The following ABLIM3 variants were observed in gnomAD, a reference collection of about 807,000 sequenced individuals.
ABLIM3 encodes the protein actin-binding LIM protein 3.
In ABLIM3, 61 loss-of-function variants were observed where a neutral mutation model predicts 109.5. The observed-to-expected ratio is 0.56, with a 90% CI of 0.45 to 0.69. The LOEUF (loss-of-function observed/expected upper bound fraction) is 0.69, where lower values mean the gene tolerates loss of function less well. ABLIM3 is among the 30% of genes least tolerant of loss of function. The pLI, the probability that ABLIM3 is intolerant of heterozygous loss-of-function variation, is 0.00. For synonymous variants in ABLIM3, 300 were observed against 324.8 expected (o/e 0.92, Z 0.82); for missense variants, 796 against 889.5 (o/e 0.89, Z 1.34).
At chr5:149,257,647 A>C (rs1002116333) in intron 23 of ABLIM3, among the ~76,000 whole-genome samples, 3 of 152,214 alleles carry the variant, frequency 2.0e-5, no homozygotes, top group African/African-American at 7.2e-5. Context: ...ACAATGTATC[A>C]CACTTTTAAA....
At chr5:149,181,466 G>T (rs1756450621) in intron 2 of ABLIM3, among the ~76,000 whole-genome samples, 1 of 152,138 alleles carries the variant, frequency 6.6e-6, no homozygotes, top group African/African-American at 2.4e-5. Context: ...TTTTTGTCTT[G>T]AATTTAAGAC....
chr5:149,174,197 T>C (rs1755721791), intron 2 of ABLIM3, among the ~76,000 whole-genome samples: 2 of 151,924 alleles, frequency 1.3e-5, no homozygotes, highest in South Asian at 4.2e-4. Context: ...TTGCATTCCA[T>C]GCGTGGTTTG....
intron 2 of ABLIM3, among the ~76,000 whole-genome samples, chr5:149,148,091 A>C (rs1753092539): frequency 6.6e-6 from 1 of 152,198 alleles, no homozygotes; most frequent in South Asian, 2.1e-4. Context: ...GATTATGAGG[A>C]GATGTTTTAT....
intron 2 of ABLIM3, among the ~76,000 whole-genome samples, chr5:149,180,521 C>A (rs1236833428): frequency 1.3e-5 from 2 of 152,184 alleles, no homozygotes; most frequent in African/African-American, 4.8e-5. Context: ...TACGTCCAGT[C>A]TGCATGAGGA....
At chr5:149,211,170 A>ATTT (rs200541377) in intron 7 of ABLIM3, among the ~76,000 whole-genome samples, 6,907 of 149,580 alleles carry the variant, frequency 0.046, 198 homozygotes, top group African/African-American at 0.072. Context: ...TTATTTATTT[A>ATTT]ATTATTTATT....
At chr5:149,149,856 C>T (rs1239044915) in intron 2 of ABLIM3, among the ~76,000 whole-genome samples, 1 of 152,132 alleles carries the variant, frequency 6.6e-6, no homozygotes, top group African/African-American at 2.4e-5. Context: ...GTACCAGGAG[C>T]CTAGTAACTG....
intron 2 of ABLIM3, 49 bp downstream of exon 2, chr5:149,142,157 G>GGGGGC: frequency 6.5e-7 from 1 of 1,535,602 alleles, no homozygotes; most frequent in Non-Finnish European, 9.0e-7. Flanking sequence ...GTGGGGGCGG[G>GGGGGC]AGGTGAGGGA....
intron 23 of ABLIM3, among the ~76,000 whole-genome samples, chr5:149,254,728 C>G (rs1010302934): frequency 3.9e-5 from 6 of 152,176 alleles, no homozygotes; most frequent in Non-Finnish European, 1.5e-5. Context: ...AAAGTGTCCA[C>G]CAGTGCTGAA....
chr5:149,151,131 A>G lies in ABLIM3; in HGVS notation c.13+9023A>G, dbSNP rs377228204. 3.3e-5 allele frequency among the ~76,000 whole-genome samples: 5 copies of G among 152,340 alleles called. No individual in the cohort carries two copies. In the South Asian group the frequency reaches 6.2e-4, roughly 19 times the overall value. On this transcript the variant is annotated intron_variant, in intron 2 of 23. Coordinates refer to ENST00000309868, the MANE Select transcript of ABLIM3 (RefSeq NM_014945.5). ...AAAAGTCCAAAACGAAGGTGTTAGCAGGGTTCCTTCTGAAAGCTGCGAGAC... is the reference window on the plus strand; with the variant it reads ...AAAAGTCCAAAACGAAGGTGTTAGCGGGGTTCCTTCTGAAAGCTGCGAGAC...
At chr5:149,199,482 A>C (rs1412221156) in intron 4 of ABLIM3, among the ~76,000 whole-genome samples, 1 of 152,222 alleles carries the variant, frequency 6.6e-6, no homozygotes, top group Admixed American at 6.5e-5. Flanking sequence ...AGAGGTTAGC[A>C]CAGAGGGTTC....
intron 23 of ABLIM3, among the ~76,000 whole-genome samples, chr5:149,254,101 A>G (rs1408605870): frequency 4.6e-5 from 7 of 152,092 alleles, no homozygotes; most frequent in African/African-American, 1.7e-4. Flanking sequence ...CCAAGATTCA[A>G]TTATCTCCAC....
chr5:149,253,721 G>A (rs934963439), intron 23 of ABLIM3, among the ~76,000 whole-genome samples: 1 of 152,178 alleles, frequency 6.6e-6, no homozygotes, highest in African/African-American at 2.4e-5. Flanking sequence ...GGGCATTTGA[G>A]CAGTCCAGAC....
Position 149,226,175 on chromosome 5 carries a change from C to A in ABLIM3, c.758-4474C>A, listed in dbSNP as rs560879362. Among the ~76,000 whole-genome samples the A allele has an allele frequency of 5.9e-5, 9 of 151,486 alleles. No individual in the cohort carries two copies. The South Asian group carries it at 8.4e-4, about 14-fold the overall frequency. ...ATAAAGGCAGAGGTCTGAGAAACCT[C>A]ATCCTGCTATGGTGAAAAAAAAATC... On this transcript the variant is annotated intron_variant, in intron 8 of 23. Coordinates refer to ENST00000309868, the MANE Select transcript of ABLIM3 (RefSeq NM_014945.5).
At chr5:149,212,636 G>A (rs1302037476) in intron 7 of ABLIM3, among the ~76,000 whole-genome samples, 1 of 152,172 alleles carries the variant, frequency 6.6e-6, no homozygotes, top group Non-Finnish European at 1.5e-5. Flanking sequence ...GGCAGCTTGT[G>A]GACATGGGGA....
rs1758150499 is a variant in ABLIM3 at position 149,198,161 on chromosome 5, C to T, written c.152-58C>T. 2 of 1,528,064 alleles carry T rather than the reference C, an allele frequency of 1.3e-6. No homozygotes were observed. The highest frequency in any genetic ancestry group is 1.8e-6 in the Non-Finnish European group (2 of 1,128,398). 94.7% of individuals were successfully genotyped at this position (1,528,064 alleles called of 1,614,324 possible). On this transcript the variant is annotated intron_variant, in intron 3 of 23. Coordinates refer to ENST00000309868, the MANE Select transcript of ABLIM3 (RefSeq NM_014945.5). The surrounding 1 kb of genome is among the most constrained non-coding windows in gnomAD (Gnocchi z 4.2). ...CAGCCTTTCCCCCAGCGAGGACCTT[C>T]TGCTTACAGACCCTCCCTGGACTCA...
chr5:149,210,635 A>C, intron 6 of ABLIM3, 91 bp from the exon 7 acceptor site: 2 of 1,087,346 alleles, frequency 1.8e-6, no homozygotes, highest in Non-Finnish European at 2.8e-6. Flanking sequence ...TGGCTCAGTC[A>C]ACATAGGCTG....
chr5:149,157,068 G>T (rs567302549), intron 2 of ABLIM3, among the ~76,000 whole-genome samples: 2 of 152,288 alleles, frequency 1.3e-5, no homozygotes, highest in African/African-American at 4.8e-5. Context: ...AGATAGAGAA[G>T]GTCATTGGGA....
chr5:149,223,609 G>A (rs758430032), intron 8 of ABLIM3, among the ~76,000 whole-genome samples: 1 of 152,196 alleles, frequency 6.6e-6, no homozygotes, highest in Non-Finnish European at 1.5e-5. Context: ...TTCTTTTTGT[G>A]TTTGGCCCCA....
intron 2 of ABLIM3, among the ~76,000 whole-genome samples, chr5:149,152,548 T>C (rs2127435433): frequency 6.6e-6 from 1 of 152,254 alleles, no homozygotes; most frequent in African/African-American, 2.4e-5. Flanking sequence ...TATCCTGCCC[T>C]GACCTCCTGG....
Sources: allele counts gnomAD v4.1 joint callset (sites outside exome capture counted in the v4.1 genomes callset), GRCh38; gene constraint gnomAD v4.1.1; non-coding constraint Gnocchi (gnomAD v3.1); transcripts MANE v1.5; gene names NCBI Gene and HGNC (gene_info 2026-07-23, HGNC 2026-07-21).